Variants in SOX5 observed in about 807,000 individuals in gnomAD.
SOX5 encodes the protein SRY-box transcription factor 5, also known as transcription factor SOX-5.
SOX5 carries 9 observed loss-of-function variants against 92.0 expected under a neutral mutation model. That is an observed-to-expected ratio of 0.10 (90% CI 0.06 to 0.17). The LOEUF is 0.17. Ranked by LOEUF, SOX5 falls within the 10% of genes least tolerant of loss-of-function variation. The probability of loss-of-function intolerance (pLI) is 1.00; values close to 1 mark genes in which losing one functional copy is unlikely to be tolerated. For synonymous variants in SOX5, 344 were observed against 336.3 expected (o/e 1.02, Z -0.25); for missense variants, 642 against 944.5 (o/e 0.68, Z 4.20).
chr12:24,378,518 T>G (rs1369934426), intron 1 of SOX5, among the ~76,000 whole-genome samples: 1 of 152,186 alleles, frequency 6.6e-6, no homozygotes, highest in African/African-American at 2.4e-5. Context: ...GGATCTTAAC[T>G]CATAAAGGAG....
intron 4 of SOX5, among the ~76,000 whole-genome samples, chr12:24,035,662 G>A (rs1347447780): frequency 6.6e-6 from 1 of 151,940 alleles, no homozygotes; most frequent in East Asian, 1.9e-4. Context: ...AACTCCTCTG[G>A]AACTTAAATG....
At chr12:24,455,239 G>A (rs1307514876) in intron 1 of SOX5, among the ~76,000 whole-genome samples, 1 of 152,186 alleles carries the variant, frequency 6.6e-6, no homozygotes, top group Non-Finnish European at 1.5e-5. Context: ...AATTAAAAAT[G>A]GGTGAACATC....
intron 4 of SOX5, among the ~76,000 whole-genome samples, chr12:23,994,341 G>A (rs897160697): frequency 6.6e-6 from 1 of 152,042 alleles, no homozygotes; most frequent in East Asian, 1.9e-4. Flanking sequence ...AAAATTTTAA[G>A]TAACGTTCAA....
intron 2 of SOX5, among the ~76,000 whole-genome samples, chr12:24,352,504 C>T (rs185976065): frequency 4.7e-4 from 72 of 152,244 alleles, no homozygotes; most frequent in Admixed American, 9.2e-4. Context: ...GGGCTGGCGG[C>T]GGCTAGAGGT....
At position 23,529,766 on chromosome 12, in the gene SOX5, G is replaced by A. The variant is rs951707245; in HGVS notation, c.*4453C>T. The stretch of plus-strand genomic sequence containing the variant: ...ACAAAATATAAATCTATAACTCTAT[G>A]TTATATTTACATAATTACTTATTAT... On this transcript the variant is annotated 3_prime_UTR_variant, in exon 15 of 15. Transcript: ENST00000451604. 6.6e-6 allele frequency: 1 copy of A among 152,020 alleles called. No homozygotes were observed. Among genetic ancestry groups the A allele is most frequent in the Non-Finnish European group, 1.5e-5 (1 of 68,000 alleles). 9.4% of individuals were successfully genotyped at this position (152,020 alleles called of 1,614,324 possible).
intron 4 of SOX5, among the ~76,000 whole-genome samples, chr12:23,994,222 A>G (rs1950835344): frequency 6.6e-6 from 1 of 152,312 alleles, no homozygotes; most frequent in East Asian, 1.9e-4. Context: ...GAAGACACAT[A>G]GAAATACTAA....
rs1403714941 is a variant in SOX5, at chr12:24,039,626, T to C, written c.-1-143602A>G. The stretch of plus-strand genomic sequence containing the variant: ...TTCAAATGGTTGCAAAATGGTAAAA[T>C]ATTTTTCTTAGTATAACAATGGTAG... On this transcript the variant is annotated intron_variant, in intron 4 of 4. Coordinates refer to the SOX5 transcript ENST00000446891. Among the ~76,000 whole-genome samples, 5 of 152,288 alleles carry C rather than the reference T, an allele frequency of 3.3e-5. No individual in the cohort carries two copies. The East Asian group carries it at 7.7e-4, about 24-fold the overall frequency.
At chr12:24,327,836 C>G (rs1159819966) in intron 2 of SOX5, among the ~76,000 whole-genome samples, 1 of 151,842 alleles carries the variant, frequency 6.6e-6, no homozygotes, top group Non-Finnish European at 1.5e-5. Context: ...TCGTGATCCG[C>G]CCGCCTCAGC....
chr12:23,762,284 G>C (rs1049202540), intron 3 of SOX5, among the ~76,000 whole-genome samples: 1 of 152,110 alleles, frequency 6.6e-6, no homozygotes, highest in Non-Finnish European at 1.5e-5. Context: ...TATAGTCCCA[G>C]CTACTCAGGA....
chr12:24,225,256 C>G (rs1326510113), intron 3 of SOX5, among the ~76,000 whole-genome samples: 3 of 152,140 alleles, frequency 2.0e-5, no homozygotes, highest in African/African-American at 7.2e-5. Flanking sequence ...CCAAAATCAG[C>G]TTGCCTACCA....
chr12:24,281,237 GA>G (rs71448005), intron 2 of SOX5, among the ~76,000 whole-genome samples: 11,450 of 97,210 alleles, frequency 0.12, 402 homozygotes, highest in Admixed American at 0.17. Flanking sequence ...TTACCAAAAG[GA>G]AAAAAAAAAA....
chr12:24,093,753 C>G (rs1445278283), intron 4 of SOX5, among the ~76,000 whole-genome samples: 4 of 148,514 alleles, frequency 2.7e-5, no homozygotes, highest in Non-Finnish European at 5.9e-5. Flanking sequence ...GTCCCGGGAG[C>G]TGATATGCTG....
At chr12:24,526,291 A>C (rs1950704582) in intron 1 of SOX5, among the ~76,000 whole-genome samples, 1 of 151,846 alleles carries the variant, frequency 6.6e-6, no homozygotes, top group African/African-American at 2.4e-5. Context: ...ACAAGTTAGC[A>C]GGTTGATGCA....
At chr12:24,355,566 C>T (rs927987492) in intron 2 of SOX5, among the ~76,000 whole-genome samples, 10 of 152,080 alleles carry the variant, frequency 6.6e-5, no homozygotes, top group African/African-American at 2.2e-4. Context: ...ATTCAGGGCC[C>T]ACTGTGTTTA....
chr12:24,350,237 C>T (rs568308546), intron 2 of SOX5, among the ~76,000 whole-genome samples: 3 of 152,172 alleles, frequency 2.0e-5, no homozygotes, highest in Non-Finnish European at 2.9e-5. Context: ...CTTAGTAGGG[C>T]GTAGGGCCCA....
intron 3 of SOX5, chr12:24,227,698 T>G (rs1241765695): frequency 6.6e-6 from 1 of 152,156 alleles, no homozygotes; most frequent in Non-Finnish European, 1.5e-5. Context: ...CATCATCTAA[T>G]TATCACATAC....
At position 24,324,120 on chromosome 12, in the gene SOX5, A is replaced by G. The variant is rs74529378; in HGVS notation, c.-174+44443T>C. 8.9e-3 allele frequency among the ~76,000 whole-genome samples: 1,357 copies of G among 152,272 alleles called. 16 individuals are homozygous for G. Among genetic ancestry groups the G allele is most frequent in the African/African-American group, 0.03 (1,250 of 41,560 alleles). The stretch of plus-strand genomic sequence containing the variant: ...AGAAATAATTATGGAATTGGGTCTT[A>G]TATTTCTTCAAATTTTATTTCAAAC... On this transcript the variant is annotated intron_variant, in intron 2 of 4. Transcript: ENST00000446891.
At chr12:23,685,043 T>C (rs959518347) in intron 6 of SOX5, among the ~76,000 whole-genome samples, 2 of 152,114 alleles carry the variant, frequency 1.3e-5, no homozygotes, top group African/African-American at 2.4e-5. Context: ...CTATTTCTCA[T>C]AGTAAAGACA....
intron 6 of SOX5, among the ~76,000 whole-genome samples, chr12:23,715,247 C>T (rs1416704844): frequency 6.6e-6 from 1 of 151,118 alleles, no homozygotes; most frequent in African/African-American, 2.5e-5. Context: ...TGCAGTGAGC[C>T]GAGATAGTGC....
Sources: allele counts gnomAD v4.1 joint callset (sites outside exome capture counted in the v4.1 genomes callset), GRCh38; gene constraint gnomAD v4.1.1; transcripts MANE v1.5; gene names NCBI Gene and HGNC (gene_info 2026-07-23, HGNC 2026-07-21).